AFP: variants seen among roughly 807,000 people sequenced by gnomAD.
AFP encodes alpha fetoprotein, also known as alpha-fetoprotein.
A neutral mutation model predicts 78.9 loss-of-function variants in AFP; 64 were observed. That is an observed-to-expected ratio of 0.81 (90% CI 0.66 to 1.00). AFP has a LOEUF of 1.00. Among genes scored for constraint, AFP ranks in the 50% least tolerant of loss-of-function variants. AFP has a pLI of 0.00. For missense variants in AFP, 689 were observed against 703.8 expected, an observed-to-expected ratio of 0.98 and a Z score of 0.24; for synonymous variants, 254 against 243.8, an observed-to-expected ratio of 1.04 and a Z score of -0.39.
intron 14 of AFP, 139 bp downstream of exon 14, chr4:73,455,429 C>A: frequency 1.3e-6 from 1 of 755,290 alleles, no homozygotes; most frequent in Non-Finnish European, 2.2e-6. Context: ...TTTAAAAACA[C>A]TTGAACAAAA....
At chr4:73,450,185 G>T in intron 10 of AFP, 52 bp downstream of exon 10, 1 of 1,380,248 alleles carries the variant, frequency 7.2e-7, no homozygotes, top group Non-Finnish European at 1.0e-6. Flanking sequence ...TAAAGAGAAT[G>T]TAGCCTTCCC....
chr4:73,449,281 T>A, intron 8 of AFP, 54 bp from the exon 9 acceptor site: 1 of 1,528,676 alleles, frequency 6.5e-7, no homozygotes, highest in South Asian at 1.1e-5. Context: ...AAGTGATGGC[T>A]CCTTTTGTCT....
At position 73,447,669 on chromosome 4, in the gene AFP, T is replaced by C; in HGVS notation, c.1051T>C (p.Leu351=). ...TTCTTCAGGGGAAAAAAATATCTTCTTGGCAAGGTAACACACTCTGTAAAT... is the reference window on the plus strand; with the variant it reads ...TTCTTCAGGGGAAAAAAATATCTTCCTGGCAAGGTAACACACTCTGTAAAT... The part of the protein sequence containing the change: ...QFSSGEKNIF[L]ASFVHEYSRR... Residue 351 remains leucine, a synonymous_variant, in exon 8 of 15, where the codon TTG becomes CTG. Transcript: ENST00000395792. The C allele has an allele frequency of 6.2e-7, 1 of 1,608,100 alleles. No individual in the cohort carries two copies. The highest frequency in any genetic ancestry group is 2.2e-5 in the East Asian group (1 of 44,838).
At chr4:73,447,827 C>A in intron 8 of AFP, 151 bp downstream of exon 8, 2 of 693,154 alleles carry the variant, frequency 2.9e-6, no homozygotes, top group Non-Finnish European at 5.0e-6. Context: ...AAATAGATTT[C>A]AGTAGATAAC....
Position 73,447,671 on chromosome 4 carries a change from G to T in AFP, c.1053G>T (p.Leu351Phe). The T allele has an allele frequency of 6.2e-7, 1 of 1,607,306 alleles. No homozygotes were observed. Among genetic ancestry groups the T allele is most frequent in the Non-Finnish European group, 8.5e-7 (1 of 1,175,924 alleles). The change falls in exon 8 of 15, where the codon TTG becomes TTT. Residue 351 changes from leucine to phenylalanine, a missense_variant. By Grantham distance (22) the Leu-to-Phe change is conservative. Coordinates refer to ENST00000395792, the MANE Select transcript of AFP (RefSeq NM_001134.3). ...CTTCAGGGGAAAAAAATATCTTCTTGGCAAGGTAACACACTCTGTAAATGC... is the reference window on the plus strand; with the variant it reads ...CTTCAGGGGAAAAAAATATCTTCTTTGCAAGGTAACACACTCTGTAAATGC... ...QFSSGEKNIFLASFVHEYSRR... is the reference protein window; with the variant it reads ...QFSSGEKNIFFASFVHEYSRR...
chr4:73,442,456 C>G (rs377328925), intron 5 of AFP, 28 bp downstream of exon 5: 19 of 1,612,558 alleles, frequency 1.2e-5, no homozygotes, highest in Non-Finnish European at 1.6e-5. Context: ...ATATCTGAAC[C>G]AGTACTGTAG....
rs1480452386 is a variant in AFP, at chr4:73,456,005, C to G, written c.*385C>G. ...CAGGGCATTTTGTTTATTAAATGAC[C>G]ATCACTGAAGTATTCTAACAGATAA... On this transcript the variant is annotated 3_prime_UTR_variant, in exon 15 of 15. Transcript: ENST00000395792. 1 of 222,238 alleles carries G rather than the reference C, an allele frequency of 4.5e-6. No individual in the cohort carries two copies. The highest frequency in any genetic ancestry group is 8.7e-6 in the Non-Finnish European group (1 of 114,890). 13.8% of individuals were successfully genotyped at this position (222,238 alleles called of 1,614,324 possible).
In AFP at chr4:73,449,489, G is replaced by A. The variant is rs1344811384; in HGVS notation, c.1191+22G>A. 3.1e-6 allele frequency: 5 copies of A among 1,613,006 alleles called. No individual in the cohort carries two copies. The African/African-American group carries it at 4.0e-5, about 13-fold the overall frequency. On this transcript the variant is annotated intron_variant, in intron 9 of 14. Coordinates refer to ENST00000395792, the MANE Select transcript of AFP (RefSeq NM_001134.3). ...AGGAGTAAGTTGCTCTAGAATTTTA[G>A]GGGAGTATGAAAAACTGGATTGATA... is the stretch of plus-strand genomic sequence containing the variant.
In AFP at chr4:73,452,428, A is replaced by G; in HGVS notation, c.1456A>G (p.Ile486Val). Residue 486 changes from isoleucine to valine, a missense_variant, in exon 12 of 15, where the codon ATC (isoleucine) becomes GTC (valine). Coordinates refer to ENST00000395792, the MANE Select transcript of AFP (RefSeq NM_001134.3). ...TGACATTATTATCGGACACTTATGT[A>G]TCAGACATGAAATGACTCCAGTAAA... ...AADIIIGHLC[I>V]RHEMTPVNPG... is the part of the protein sequence containing the mutation. 1 of 1,614,052 alleles carries G rather than the reference A, an allele frequency of 6.2e-7. No homozygotes were observed. Among genetic ancestry groups the G allele is most frequent in the East Asian group, 2.2e-5 (1 of 44,886 alleles).
In AFP at chr4:73,445,730, G is replaced by A. The variant is rs1001116676; in HGVS notation, c.843+608G>A. Among the ~76,000 whole-genome samples the A allele has an allele frequency of 8.5e-5, 13 of 152,306 alleles. 1 individual carries two copies. The East Asian group carries it at 1.7e-3, about 20-fold the overall frequency. On this transcript the variant is annotated intron_variant, in intron 7 of 14. Transcript: ENST00000395792. ...AACTGTCCTACCAGGTAAAAAGCTA[G>A]CCTTGCCAAAGACAAGTGTGAATAA...
At chr4:73,440,948 T>G in intron 4 of AFP, 135 bp downstream of exon 4, 1 of 880,168 alleles carries the variant, frequency 1.1e-6, no homozygotes, top group South Asian at 1.8e-5. Flanking sequence ...TCTGCTGAGG[T>G]CCCAGACAAG....
At chr4:73,452,748 A>C in intron 12 of AFP, 124 bp downstream of exon 12, 1 of 810,362 alleles carries the variant, frequency 1.2e-6, no homozygotes, top group Non-Finnish European at 2.1e-6. Context: ...AAACACTTAA[A>C]ATGCCTTTGA....
chr4:73,446,419 A>G (rs1319072163), intron 7 of AFP, among the ~76,000 whole-genome samples: 1 of 152,164 alleles, frequency 6.6e-6, no homozygotes, highest in Non-Finnish European at 1.5e-5. Flanking sequence ...TTGGATTTTG[A>G]TAGCTGAATA....
intron 10 of AFP, among the ~76,000 whole-genome samples, 157 bp downstream of exon 10, chr4:73,450,290 A>G (rs1719951986): frequency 6.6e-6 from 1 of 152,296 alleles, no homozygotes; most frequent in East Asian, 1.9e-4. Context: ...TTTTGCAGTA[A>G]AGATATCCAT....
chr4:73,450,279 T>C, intron 10 of AFP, 146 bp downstream of exon 10: 1 of 729,488 alleles, frequency 1.4e-6, no homozygotes, highest in Non-Finnish European at 2.3e-6. Context: ...ACTGTGCAAA[T>C]TTTTGCAGTA....
At position 73,438,174 on chromosome 4, in the gene AFP, G is replaced by A. The variant is rs1017306234; in HGVS notation, c.138G>A (p.Leu46=). The stretch of plus-strand genomic sequence containing the variant: ...GGATTCACACGTATTTTTGTTTCAG[G>A]GCTACCATATTTTTTGCCCAGTTTG... The part of the protein sequence containing the change: ...QCTAEISLAD[L]ATIFFAQFVQ... Residue 46 remains leucine, a splice_region_variant and synonymous_variant, in exon 3 of 15, where the codon CTG becomes CTA. Transcript: ENST00000395792. The A allele has an allele frequency of 6.2e-6, 10 of 1,613,052 alleles. No individual in the cohort carries two copies. The highest frequency in any genetic ancestry group is 8.5e-6 in the Non-Finnish European group (10 of 1,179,364).
In AFP at chr4:73,443,258, A is replaced by T. The variant is rs1053131856; in HGVS notation, c.616-89A>T. On this transcript the variant is annotated intron_variant, in intron 5 of 14. Coordinates refer to ENST00000395792, the MANE Select transcript of AFP (RefSeq NM_001134.3). Reference sequence around the variant, plus strand: ...AACATATTTTATGGAATTTCATTTTACCTATACTTGTTGTTTTTCTAAATA... The same window carrying T: ...AACATATTTTATGGAATTTCATTTTTCCTATACTTGTTGTTTTTCTAAATA... 170 of 964,506 alleles carry T rather than the reference A, an allele frequency of 1.8e-4. 1 individual carries two copies. The highest frequency in any genetic ancestry group is 1.1e-3 in the South Asian group (82 of 72,868). The allele number at this position is 964,506 out of a possible 1,614,324, so 59.7% of individuals were successfully genotyped here. A position where few individuals can be genotyped will look rare whatever the true frequency, so the allele number is the denominator to read the frequency against.
At position 73,455,670 on chromosome 4, in the gene AFP, C is replaced by A. The variant is rs1720140323; in HGVS notation, c.*50C>A. ...AAACGAGTCTTTCATTCGGTGTGAA[C>A]TTTTCTCTTTAATTTTAACTGATTT... On this transcript the variant is annotated 3_prime_UTR_variant, in exon 15 of 15. Coordinates refer to ENST00000395792, the MANE Select transcript of AFP (RefSeq NM_001134.3). 2.9e-6 allele frequency: 2 copies of A among 695,968 alleles called. No individual in the cohort carries two copies. Among genetic ancestry groups the A allele is most frequent in the Non-Finnish European group, 5.2e-6 (2 of 383,154 alleles). The allele number at this position is 695,968 out of a possible 1,614,324, so 43.1% of individuals were successfully genotyped here. A position where few individuals can be genotyped will look rare whatever the true frequency, so the allele number is the denominator to read the frequency against.
chr4:73,438,165 T>C lies in AFP; in HGVS notation c.138-9T>C, dbSNP rs749822125. 2.5e-6 allele frequency: 4 copies of C among 1,613,216 alleles called. No homozygotes were observed. The South Asian group carries it at 3.3e-5, about 13-fold the overall frequency. On this transcript the variant is annotated splice_polypyrimidine_tract_variant and intron_variant, in intron 2 of 14. Transcript: ENST00000395792. ...GTTCCTTAAGGATTCACACGTATTT[T>C]TGTTTCAGGGCTACCATATTTTTTG... is the stretch of plus-strand genomic sequence containing the variant.
Sources: gnomAD v4.1 joint callset for allele counts (sites outside exome capture counted in the v4.1 genomes callset) on GRCh38, gnomAD v4.1.1 for gene constraint, MANE v1.5 for transcripts, NCBI Gene and HGNC (gene_info 2026-07-23, HGNC 2026-07-21) for gene names.